The following SOS1 variants were observed in gnomAD, a reference collection of about 807,000 sequenced individuals.
SOS1 encodes the protein SOS Ras/Rac guanine nucleotide exchange factor 1.
Under a neutral mutation model 157.6 loss-of-function variants are expected in SOS1, and 25 were observed. The ratio of observed to expected loss-of-function variants is 0.16; its 90% CI spans 0.12 to 0.22. The LOEUF (loss-of-function observed/expected upper bound fraction) is 0.22. SOS1 is among the 10% of genes least tolerant of loss of function. The pLI, the probability that SOS1 is intolerant of heterozygous loss-of-function variation, is 1.00. For synonymous variants in SOS1, 528 were observed against 534.0 expected, an observed-to-expected ratio of 0.99 and a Z score of 0.16; for missense variants, 1,237 against 1,599.1, an observed-to-expected ratio of 0.77 and a Z score of 3.86.
intron 2 of SOS1, among the ~76,000 whole-genome samples, chr2:39,065,962 G>A (rs1205945865): frequency 6.6e-6 from 1 of 152,142 alleles, no homozygotes; most frequent in Non-Finnish European, 1.5e-5. Flanking sequence ...ATTCAGACTA[G>A]TGCATAATAC....
intron 10 of SOS1, among the ~76,000 whole-genome samples, chr2:39,021,525 GAAAAAAA>G (rs70954777): frequency 1.5e-4 from 16 of 104,696 alleles, no homozygotes; most frequent in East Asian, 1.3e-3. Context: ...TGCTCTACAG[GAAAAAAA>G]AAAAAAAAAA....
In SOS1 at chr2:39,044,851, T is replaced by G. The variant is rs980601374; in HGVS notation, c.864+6293A>C. On this transcript the variant is annotated intron_variant, in intron 6 of 22. Coordinates refer to ENST00000402219, the MANE Select transcript of SOS1 (RefSeq NM_005633.4). ...TGAGGGATGACTGTGTACACACACA[T>G]GCGCGCGCGCGCGCACACACACACA... 1.8e-4 allele frequency among the ~76,000 whole-genome samples: 26 copies of G among 146,182 alleles called. 1 individual carries two copies. Among genetic ancestry groups the G allele is most frequent in the African/African-American group, 5.4e-4 (21 of 39,204 alleles).
In SOS1 at chr2:39,008,876, C is replaced by A. The variant is rs116532315; in HGVS notation, c.2511-1683G>T. On this transcript the variant is annotated intron_variant, in intron 15 of 22. Transcript: ENST00000402219. The stretch of plus-strand genomic sequence containing the variant: ...AGGAGCAGTACTCAGAGTTGCTACA[C>A]TATATTATCTGAAATGTCAGGTTTC... Among the ~76,000 whole-genome samples the A allele has an allele frequency of 7.9e-3, 1,056 of 133,522 alleles. 11 individuals are homozygous for A. Among genetic ancestry groups the A allele is most frequent in the African/African-American group, 0.028 (1,013 of 35,646 alleles). The allele number at this position is 133,522 out of a possible 152,430, so 87.6% of individuals were successfully genotyped here. A position where few individuals can be genotyped will look rare whatever the true frequency, so the allele number is the denominator to read the frequency against.
chr2:39,109,250 C>T (rs1020601625), intron 1 of SOS1, among the ~76,000 whole-genome samples: 1 of 152,172 alleles, frequency 6.6e-6, no homozygotes. Flanking sequence ...TCACTTCCAT[C>T]ACTTCCAAAC....
intron 13 of SOS1, among the ~76,000 whole-genome samples, chr2:39,012,775 A>G (rs1316312820): frequency 6.6e-6 from 1 of 152,194 alleles, no homozygotes; most frequent in African/African-American, 2.4e-5. Flanking sequence ...ACCAATAAAT[A>G]TCAGTGCCAG....
chr2:39,004,370 G>C (rs1233290937), intron 17 of SOS1, among the ~76,000 whole-genome samples: 2 of 126,244 alleles, frequency 1.6e-5, no homozygotes, highest in East Asian at 4.9e-4. Context: ...GGCAGCTACT[G>C]CATTCCAGCC....
intron 20 of SOS1, among the ~76,000 whole-genome samples, chr2:38,994,843 C>G (rs756652529): frequency 1.8e-4 from 28 of 152,152 alleles, no homozygotes; most frequent in Admixed American, 9.2e-4. Flanking sequence ...AAGAGGAATG[C>G]ATTTGAAAAG....
At position 39,075,446 on chromosome 2, in the gene SOS1, C is replaced by G. The variant is rs189164433; in HGVS notation, c.88-7693G>C. ...TTATCAAGTGGCTCCTAAATTTTTT[C>G]AGCCTTTTTTTCTCCTCTAAAAGAA... On this transcript the variant is annotated intron_variant, in intron 1 of 22. Coordinates refer to ENST00000402219, the MANE Select transcript of SOS1 (RefSeq NM_005633.4). Among the ~76,000 whole-genome samples, 391 of 152,134 alleles carry G rather than the reference C, an allele frequency of 2.6e-3. 3 individuals carry two copies. The highest frequency in any genetic ancestry group is 4.3e-3 in the Non-Finnish European group (295 of 67,986).
chr2:38,989,799 T>A (rs1400751074), intron 20 of SOS1, among the ~76,000 whole-genome samples: 1 of 152,092 alleles, frequency 6.6e-6, no homozygotes, highest in Non-Finnish European at 1.5e-5. Flanking sequence ...ACTTTGGATA[T>A]AAAACAAGCT....
At chr2:39,051,082 C>G in intron 6 of SOS1, 62 bp downstream of exon 6, 1 of 1,480,144 alleles carries the variant, frequency 6.8e-7, no homozygotes, top group Middle Eastern at 1.7e-4. Context: ...GTAAGACTCT[C>G]AATTTTAATG....
intron 21 of SOS1, among the ~76,000 whole-genome samples, chr2:38,988,750 CTTACAA>C (rs1173571286): frequency 1.3e-5 from 2 of 151,974 alleles, no homozygotes; most frequent in Non-Finnish European, 2.9e-5. Context: ...GTTAGTTTAC[CTTACAA>C]TTAAAATGGA....
intron 10 of SOS1, among the ~76,000 whole-genome samples, chr2:39,019,191 C>G (rs1669719275): frequency 6.6e-6 from 1 of 151,702 alleles, no homozygotes; most frequent in Non-Finnish European, 1.5e-5. Flanking sequence ...TCCCTCACTT[C>G]AATATGCAAA....
chr2:39,035,227 G>A lies in SOS1; in HGVS notation c.1059C>T (p.Tyr353=), dbSNP rs1159277097. The A allele has an allele frequency of 1.2e-6, 2 of 1,611,012 alleles. No individual in the cohort carries two copies. Among genetic ancestry groups the A allele is most frequent in the African/African-American group, 1.3e-5 (1 of 74,810 alleles). The change falls in exon 8 of 23, where the codon TAC becomes TAT. Residue 353 remains tyrosine (Y), a synonymous_variant. Transcript: ENST00000402219. ...LLAPVYHCLH[Y]FELLKQLEEK... ...GTTTTCTTACCTTCAAAAGTTCAAA[G>A]TAATGGAGACAGTGGTAAACAGGGG...
chr2:39,066,094 C>T (rs942886867), intron 2 of SOS1, among the ~76,000 whole-genome samples: 3 of 152,206 alleles, frequency 2.0e-5, no homozygotes, highest in African/African-American at 7.2e-5. Flanking sequence ...CCTCAGCCTT[C>T]AGGGTAGAAG....
Position 39,058,806 on chromosome 2 carries a change from T to A in SOS1, c.214-2A>T. The stretch of plus-strand genomic sequence containing the variant: ...AGGGAAACTTTTTTGAACACGTTCC[T>A]TGGAAAATAGGAAAATAACAACTAA... On this transcript the variant is annotated splice_acceptor_variant, in intron 2 of 22. Coordinates refer to ENST00000402219, the MANE Select transcript of SOS1 (RefSeq NM_005633.4). LOFTEE classifies it high-confidence loss of function. 1 of 1,610,756 alleles carries A rather than the reference T, an allele frequency of 6.2e-7. No individual in the cohort carries two copies. Among genetic ancestry groups the A allele is most frequent in the Non-Finnish European group, 8.5e-7 (1 of 1,177,506 alleles).
chr2:39,089,548 G>C (rs1030936420), intron 1 of SOS1, among the ~76,000 whole-genome samples: 2 of 113,934 alleles, frequency 1.8e-5, no homozygotes, highest in Non-Finnish European at 3.8e-5. Context: ...AAAAAAAAAA[G>C]AAAGAAAGAA....
chr2:39,035,586 C>T (rs1333809774), intron 6 of SOS1, 86 bp from the exon 7 acceptor site: 30 of 930,744 alleles, frequency 3.2e-5, no homozygotes, highest in Non-Finnish European at 5.0e-5. Flanking sequence ...TATGCGAGCA[C>T]AATTATGTAT....
chr2:39,022,689 G>C lies in SOS1; in HGVS notation c.1739C>G (p.Pro580Arg), dbSNP rs1669835119. 1 of 1,613,386 alleles carries C rather than the reference G, an allele frequency of 6.2e-7. No homozygotes were observed. Among genetic ancestry groups the C allele is most frequent in the African/African-American group, 1.3e-5 (1 of 74,976 alleles). The change falls in exon 10 of 23, where the codon CCT becomes CGT. Residue 580 changes from proline (P) to arginine (R), a missense_variant. Transcript: ENST00000402219. ...PSADVYRFAE[P>R]DSEENIIFEE... ...AAATATAATATTCTCTTCAGAGTCA[G>C]GCTCTGCAAATCTATAAACATCAGC... is the stretch of plus-strand genomic sequence containing the variant.
chr2:39,089,544 AAAAG>A (rs1558508326), intron 1 of SOS1, among the ~76,000 whole-genome samples: 3 of 151,186 alleles, frequency 2.0e-5, no homozygotes. Context: ...AAAAAAAAAA[AAAAG>A]AAAGAAAGAA....
Sources: gnomAD v4.1 joint callset for allele counts (sites outside exome capture counted in the v4.1 genomes callset) on GRCh38, gnomAD v4.1.1 for gene constraint, MANE v1.5 for transcripts, NCBI Gene and HGNC (gene_info 2026-07-23, HGNC 2026-07-21) for gene names.